Variants in ME2 observed in about 807,000 individuals in gnomAD.
ME2 encodes NAD-dependent malic enzyme, mitochondrial.
Under a neutral mutation model 73.7 loss-of-function variants are expected in ME2, and 60 were observed. The observed-to-expected ratio is 0.81, with a 90% CI of 0.66 to 1.01. The LOEUF (loss-of-function observed/expected upper bound fraction) is 1.01. ME2 is among the 50% of genes least tolerant of loss of function. The pLI, the probability that ME2 is intolerant of heterozygous loss-of-function variation, is 0.00. For missense variants in ME2, 594 were observed against 705.5 expected (o/e 0.84, Z 1.79); for synonymous variants, 199 against 236.9 (o/e 0.84, Z 1.47).
At chr18:50,880,495 C>T (rs1916292011) in intron 1 of ME2, among the ~76,000 whole-genome samples, 1 of 152,218 alleles carries the variant, frequency 6.6e-6, no homozygotes, top group Admixed American at 6.5e-5. Context: ...TTTTTAAAAA[C>T]ATACATATAG....
At chr18:50,885,539 C>CT (rs1916441655) in intron 1 of ME2, among the ~76,000 whole-genome samples, 1 of 151,708 alleles carries the variant, frequency 6.6e-6, no homozygotes, top group South Asian at 2.1e-4. Flanking sequence ...ATATATAAAA[C>CT]TTTTTTTAAA....
intron 1 of ME2, among the ~76,000 whole-genome samples, chr18:50,887,271 A>G (rs1466939265): frequency 6.6e-6 from 1 of 152,228 alleles, no homozygotes; most frequent in Admixed American, 6.5e-5. Flanking sequence ...GAAACAACAC[A>G]GAGCCAAGTT....
intron 12 of ME2, 102 bp from the exon 13 acceptor site, chr18:50,932,156 T>G: frequency 1.2e-6 from 1 of 851,932 alleles, no homozygotes; most frequent in Non-Finnish European, 1.9e-6. Flanking sequence ...CCAAGTAATA[T>G]ATTGGTCTAT....
chr18:50,879,123 G>C lies in ME2; in HGVS notation c.-198G>C, dbSNP rs1224500083. 1.3e-5 allele frequency: 2 copies of C among 152,232 alleles called. No homozygotes were observed. Among genetic ancestry groups the C allele is most frequent in the African/African-American group, 2.4e-5 (1 of 41,440 alleles). 9.4% of individuals were successfully genotyped at this position (152,232 alleles called of 1,614,324 possible). On this transcript the variant is annotated 5_prime_UTR_variant, in exon 1 of 16. Transcript: ENST00000321341. ...GGCTCCTCGCGCCCTCCCCTCTCTC[G>C]GCCGCTCTTCGGGCCGCCTCTGCGT...
intron 2 of ME2, among the ~76,000 whole-genome samples, chr18:50,903,317 ATTAT>A (rs1457308128): frequency 1.3e-5 from 2 of 152,352 alleles, no homozygotes; most frequent in South Asian, 2.1e-4. Flanking sequence ...TATACATAAA[ATTAT>A]TTAATCATTT....
Position 50,904,086 on chromosome 18 carries a change from C to T in ME2, c.109-3977C>T, listed in dbSNP as rs548146263. On this transcript the variant is annotated intron_variant, in intron 2 of 15. Transcript: ENST00000321341. ...AGTTATATCTTCATAATAGATTCAC[C>T]CTTTCATCATTGTAAAATGTCCTCT... is the stretch of plus-strand genomic sequence containing the variant. Among the ~76,000 whole-genome samples, 5 of 152,160 alleles carry T rather than the reference C, an allele frequency of 3.3e-5. No individual in the cohort carries two copies. In the South Asian group the frequency reaches 1.0e-3, roughly 32 times the overall value.
In ME2 at chr18:50,899,478, A is replaced by C. The variant is rs562636038; in HGVS notation, c.108+3550A>C. The stretch of plus-strand genomic sequence containing the variant: ...AAAAATATAAAAAAATTAGCCAAGC[A>C]CTGTGGTGCATGCCTATAGTTTCAG... On this transcript the variant is annotated intron_variant, in intron 2 of 15. Transcript: ENST00000321341. Among the ~76,000 whole-genome samples the C allele has an allele frequency of 5.3e-5, 8 of 152,218 alleles. No individual in the cohort carries two copies. In the South Asian group the frequency reaches 1.4e-3, roughly 28 times the overall value.
intron 2 of ME2, among the ~76,000 whole-genome samples, chr18:50,904,229 T>C (rs1410875266): frequency 6.6e-6 from 1 of 152,120 alleles, no homozygotes; most frequent in Non-Finnish European, 1.5e-5. Flanking sequence ...TTTCCACTTA[T>C]TTGTGTCCCT....
rs1357091502 is a variant in ME2, at chr18:50,954,237, A to G, written c.*7053A>G. 1 of 152,208 alleles carries G rather than the reference A, an allele frequency of 6.6e-6. No individual in the cohort carries two copies. Among genetic ancestry groups the G allele is most frequent in the East Asian group, 1.9e-4 (1 of 5,200 alleles). The allele number at this position is 152,208 out of a possible 1,614,324, so 9.4% of individuals were successfully genotyped here. ...ATGTGTGTTCTTATATTTTCTTAGT[A>G]AAATTTTCTTAAGCATAAAATGCTT... On this transcript the variant is annotated 3_prime_UTR_variant, in exon 16 of 16. Transcript: ENST00000321341.
chr18:50,932,263 G>T lies in ME2; in HGVS notation c.1320G>T (p.Arg440Ser), dbSNP rs759348066. 3.1e-6 allele frequency: 5 copies of T among 1,612,054 alleles called. No homozygotes were observed. Among genetic ancestry groups the T allele is most frequent in the Non-Finnish European group, 4.2e-6 (5 of 1,178,716 alleles). The part of the protein sequence containing the change: ...AEEAYTLTEG[R>S]CLFASGSPFG... Reference sequence around the variant, plus strand: ...TTATTTCATTTTATTAACAGGGCAGGTGTTTGTTTGCCAGTGGCAGTCCAT... The same window carrying T: ...TTATTTCATTTTATTAACAGGGCAGTTGTTTGTTTGCCAGTGGCAGTCCAT... Residue 440 changes from arginine to serine, a missense_variant, in exon 13 of 16, where the codon AGG (arginine) becomes AGT (serine). Arg to Ser is a moderately radical substitution (Grantham distance 110). Coordinates refer to ENST00000321341, the MANE Select transcript of ME2 (RefSeq NM_002396.5).
At position 50,947,292 on chromosome 18, in the gene ME2, G is replaced by T; in HGVS notation, c.*108G>T. On this transcript the variant is annotated 3_prime_UTR_variant, in exon 16 of 16. Coordinates refer to ENST00000321341, the MANE Select transcript of ME2 (RefSeq NM_002396.5). ...GTGTTTTCTGTGTTTTGTTCTCCCT[G>T]ACCACTTTGGTTGATGTATTTTTTC... The T allele has an allele frequency of 8.5e-7, 1 of 1,176,450 alleles. No individual in the cohort carries two copies. The highest frequency in any genetic ancestry group is 1.2e-6 in the Non-Finnish European group (1 of 831,476). 72.9% of individuals were successfully genotyped at this position (1,176,450 alleles called of 1,614,324 possible).
chr18:50,918,051 G>A, intron 6 of ME2, 59 bp from the exon 7 acceptor site: 6 of 1,048,558 alleles, frequency 5.7e-6, no homozygotes, highest in Non-Finnish European at 8.1e-6. Context: ...AATTTTTATT[G>A]TATGTGTTTA....
At chr18:50,918,265 G>A (rs766370192) in intron 7 of ME2, 52 bp downstream of exon 7, 4 of 1,197,518 alleles carry the variant, frequency 3.3e-6, no homozygotes, top group Non-Finnish European at 3.6e-6. Context: ...GGGTGGGTGG[G>A]GTAAGAACCA....
Position 50,952,005 on chromosome 18 carries a change from C to T in ME2, c.*4821C>T, listed in dbSNP as rs1394928367. On this transcript the variant is annotated 3_prime_UTR_variant, in exon 16 of 16. Coordinates refer to ENST00000321341, the MANE Select transcript of ME2 (RefSeq NM_002396.5). ...AAACCCATAGCTCTTTACTGGGCTT[C>T]CATTTAAAGGGAAGTCCTAAGAATG... 2 of 151,654 alleles carry T rather than the reference C, an allele frequency of 1.3e-5. No homozygotes were observed. The highest frequency in any genetic ancestry group is 1.9e-4 in the East Asian group (1 of 5,168). 9.4% of individuals were successfully genotyped at this position (151,654 alleles called of 1,614,324 possible).
In ME2 at chr18:50,932,344, T is replaced by C. The variant is rs777548968; in HGVS notation, c.1401T>C (p.Asn467=). 5.0e-6 allele frequency: 8 copies of C among 1,612,050 alleles called. No homozygotes were observed. In the African/African-American group the frequency reaches 5.3e-5, roughly 11 times the overall value. The part of the protein sequence containing the change: ...GRVFTPGQGN[N]VYIFPGVALA... ...TCTTTACACCAGGTCAAGGAAACAA[T>C]GTTTATATTTTTCCAGGTAAATGCC... Residue 467 remains asparagine, a synonymous_variant, in exon 13 of 16, where the codon AAT becomes AAC. Transcript: ENST00000321341.
chr18:50,933,006 A>T (rs1025881164), intron 13 of ME2: 1 of 152,220 alleles, frequency 6.6e-6, no homozygotes, highest in Non-Finnish European at 1.5e-5. Context: ...AAGGAAATTA[A>T]TAATAATTGC....
chr18:50,929,443 G>A (rs1239731571), intron 12 of ME2, among the ~76,000 whole-genome samples: 24 of 148,636 alleles, frequency 1.6e-4, no homozygotes, highest in Admixed American at 8.1e-4. Context: ...AGCCAAGATC[G>A]TGCCACTGCA....
intron 1 of ME2, among the ~76,000 whole-genome samples, chr18:50,893,172 A>G (rs903035692): frequency 2.0e-5 from 3 of 151,276 alleles, no homozygotes; most frequent in African/African-American, 7.3e-5. Context: ...ATTTGCTTCA[A>G]TACTTATTAT....
At chr18:50,935,072 G>T (rs1226326292) in intron 13 of ME2, 1 of 152,166 alleles carries the variant, frequency 6.6e-6, no homozygotes, top group Non-Finnish European at 1.5e-5. Flanking sequence ...TGGGGGTATA[G>T]TTTGCAGCAG....
Sources: allele counts gnomAD v4.1 joint callset (sites outside exome capture counted in the v4.1 genomes callset), GRCh38; gene constraint gnomAD v4.1.1; transcripts MANE v1.5; gene names NCBI Gene and HGNC (gene_info 2026-07-23, HGNC 2026-07-21).